Variants in SGCZ observed in about 807,000 individuals in gnomAD.
SGCZ encodes the protein zeta-sarcoglycan.
Under a neutral mutation model 41.3 loss-of-function variants are expected in SGCZ, and 40 were observed. The ratio of observed to expected loss-of-function variants is 0.97; its 90% CI spans 0.75 to 1.26. The LOEUF (loss-of-function observed/expected upper bound fraction) is 1.26, where lower values mean the gene tolerates loss of function less well. Among genes scored for constraint, SGCZ ranks in the 50% most tolerant of loss-of-function variants. The pLI is 0.00. For missense variants in SGCZ, 552 were observed against 369.8 expected (o/e 1.49, Z -4.04); for synonymous variants, 206 against 137.5 (o/e 1.50, Z -3.49).
intron 1 of SGCZ, among the ~76,000 whole-genome samples, chr8:14,823,055 T>TAACAAAAAAAAAAAAA (rs1802167241): frequency 1.3e-5 from 1 of 75,488 alleles, no homozygotes. Flanking sequence ...CCAATCCTCA[T>TAACAAAAAAAAAAAAA]AAAAAAAAAA....
intron 1 of SGCZ, among the ~76,000 whole-genome samples, chr8:14,781,562 T>G (rs774584772): frequency 9.2e-5 from 14 of 152,140 alleles, no homozygotes; most frequent in Non-Finnish European, 1.9e-4. Flanking sequence ...CTTTCAAAAC[T>G]TATTACCAAT....
At chr8:14,868,580 T>A (rs546076978) in intron 1 of SGCZ, among the ~76,000 whole-genome samples, 28 of 152,270 alleles carry the variant, frequency 1.8e-4, no homozygotes, top group East Asian at 9.7e-4. Context: ...AGTAATTGAA[T>A]TTCAATCTGA....
At chr8:14,327,836 A>G (rs1480742874) in intron 2 of SGCZ, among the ~76,000 whole-genome samples, 1 of 152,170 alleles carries the variant, frequency 6.6e-6, no homozygotes, top group Non-Finnish European at 1.5e-5. Context: ...GCTGGAGTGC[A>G]GCGGCGCAAT....
chr8:14,246,751 C>T (rs1799107286), intron 3 of SGCZ, among the ~76,000 whole-genome samples: 1 of 151,368 alleles, frequency 6.6e-6, no homozygotes, highest in Admixed American at 6.6e-5. Flanking sequence ...ACTAAAAATA[C>T]AATAAGAAAT....
At chr8:14,107,458 T>C (rs1464732163) in intron 6 of SGCZ, among the ~76,000 whole-genome samples, 3 of 152,094 alleles carry the variant, frequency 2.0e-5, no homozygotes, top group African/African-American at 7.2e-5. Context: ...AGGAACCCCA[T>C]CATAGTCCAG....
chr8:14,731,355 G>A (rs1810232369), intron 1 of SGCZ, among the ~76,000 whole-genome samples: 1 of 150,952 alleles, frequency 6.6e-6, no homozygotes, highest in African/African-American at 2.4e-5. Flanking sequence ...TGGACACAGG[G>A]AGGGGAACAT....
At chr8:15,155,840 C>T (rs988479074) in intron 1 of SGCZ, among the ~76,000 whole-genome samples, 5 of 152,040 alleles carry the variant, frequency 3.3e-5, no homozygotes, top group Non-Finnish European at 7.4e-5. Context: ...GGTGGACTGC[C>T]TGAGCTCAGG....
At chr8:14,813,604 G>A (rs543904629) in intron 1 of SGCZ, among the ~76,000 whole-genome samples, 3 of 152,146 alleles carry the variant, frequency 2.0e-5, no homozygotes, top group African/African-American at 7.2e-5. Flanking sequence ...CACAGAAGTA[G>A]CTAGTCTTTC....
At chr8:14,439,469 A>G (rs1485841856) in intron 2 of SGCZ, among the ~76,000 whole-genome samples, 3 of 151,754 alleles carry the variant, frequency 2.0e-5, no homozygotes, top group East Asian at 3.9e-4. Context: ...AAATCAGACC[A>G]AGACAGTACA....
At chr8:14,916,104 A>G (rs1799428791) in intron 1 of SGCZ, among the ~76,000 whole-genome samples, 1 of 152,228 alleles carries the variant, frequency 6.6e-6, no homozygotes, top group Non-Finnish European at 1.5e-5. Context: ...TACCACCTAT[A>G]TAAGAATTGA....
chr8:14,526,417 T>C (rs1314142786), intron 2 of SGCZ, among the ~76,000 whole-genome samples: 1 of 152,112 alleles, frequency 6.6e-6, no homozygotes, highest in Non-Finnish European at 1.5e-5. Flanking sequence ...ATTAGGCTAC[T>C]GTTGTACGAA....
At chr8:15,175,523 T>A (rs1799970088) in intron 1 of SGCZ, among the ~76,000 whole-genome samples, 1 of 151,956 alleles carries the variant, frequency 6.6e-6, no homozygotes, top group African/African-American at 2.4e-5. Context: ...CTACACACAC[T>A]GGGGCCTGTT....
At chr8:14,544,427 CG>C (rs1803562634) in intron 2 of SGCZ, among the ~76,000 whole-genome samples, 1 of 151,938 alleles carries the variant, frequency 6.6e-6, no homozygotes, top group African/African-American at 2.4e-5. Context: ...TGATTGCCTG[CG>C]GGGTCGGGGA....
intron 2 of SGCZ, among the ~76,000 whole-genome samples, chr8:14,367,989 A>C (rs1325057547): frequency 6.6e-6 from 1 of 152,122 alleles, no homozygotes; most frequent in Non-Finnish European, 1.5e-5. Context: ...TAGGGATGTT[A>C]CTGGGAGTTT....
chr8:14,395,898 C>G (rs776844841), intron 2 of SGCZ, among the ~76,000 whole-genome samples: 28 of 152,180 alleles, frequency 1.8e-4, no homozygotes, highest in Non-Finnish European at 3.1e-4. Flanking sequence ...GTTCGCTTCT[C>G]AATAAATTCT....
intron 1 of SGCZ, among the ~76,000 whole-genome samples, chr8:15,219,206 T>A (rs268339): frequency 0.84 from 128,367 of 152,186 alleles, 54,761 homozygotes; most frequent in Non-Finnish European, 0.91. Flanking sequence ...TTAACATTCC[T>A]TGAATTCAAG....
At chr8:14,822,192 ATAAT>A (rs1448344764) in intron 1 of SGCZ, among the ~76,000 whole-genome samples, 2 of 152,148 alleles carry the variant, frequency 1.3e-5, no homozygotes, top group Admixed American at 1.3e-4. Flanking sequence ...GTATAGGCTA[ATAAT>A]TAAGCCTATG....
At chr8:14,967,719 G>C (rs1801166820) in intron 1 of SGCZ, among the ~76,000 whole-genome samples, 1 of 152,074 alleles carries the variant, frequency 6.6e-6, no homozygotes, top group Non-Finnish European at 1.5e-5. Context: ...AAGCCCCATA[G>C]AGAAAGGAAC....
At chr8:14,649,792 C>A (rs1807338642) in intron 1 of SGCZ, among the ~76,000 whole-genome samples, 1 of 151,998 alleles carries the variant, frequency 6.6e-6, no homozygotes, top group Non-Finnish European at 1.5e-5. Flanking sequence ...AGATGACCAG[C>A]ACAGGAATAA....
Sources: allele counts gnomAD v4.1 joint callset (sites outside exome capture counted in the v4.1 genomes callset), GRCh38; gene constraint gnomAD v4.1.1; transcripts MANE v1.5; gene names NCBI Gene and HGNC (gene_info 2026-07-23, HGNC 2026-07-21).